Variants in ADGRL4 observed in about 807,000 individuals in gnomAD.
ADGRL4 encodes the protein adhesion G protein-coupled receptor L4, also known as EGF, latrophilin and seven transmembrane domain containing 1.
Under a neutral mutation model 74.8 loss-of-function variants are expected in ADGRL4, and 90 were observed. The ratio of observed to expected loss-of-function variants is 1.20; its 90% CI spans 1.02 to 1.43. ADGRL4 has a LOEUF of 1.43. Among genes scored for constraint, ADGRL4 ranks in the 40% most tolerant of loss-of-function variants. The probability of loss-of-function intolerance (pLI) is 0.00; values close to 1 mark genes in which losing one functional copy is unlikely to be tolerated. For synonymous variants in ADGRL4, 311 were observed against 279.2 expected (o/e 1.11, Z -1.14); for missense variants, 881 against 814.3 (o/e 1.08, Z -1.00).
At chr1:78,976,972 C>G (rs1383991933) in intron 2 of ADGRL4, among the ~76,000 whole-genome samples, 1 of 151,710 alleles carries the variant, frequency 6.6e-6, no homozygotes, top group East Asian at 1.9e-4. Flanking sequence ...GAAGCTAGTA[C>G]AAATCTACAG....
chr1:78,993,668 A>G (rs752260587), intron 2 of ADGRL4, among the ~76,000 whole-genome samples: 2 of 151,464 alleles, frequency 1.3e-5, no homozygotes, highest in Non-Finnish European at 2.9e-5. Context: ...TCCTGGGCTC[A>G]TGCCATTCTT....
In ADGRL4 at chr1:78,935,638, A is replaced by G. The variant is rs900751368; in HGVS notation, c.877+657T>C. Among the ~76,000 whole-genome samples the G allele has an allele frequency of 3.3e-5, 5 of 152,196 alleles. No homozygotes were observed. In the East Asian group the frequency reaches 9.6e-4, roughly 29 times the overall value. On this transcript the variant is annotated intron_variant, in intron 7 of 14. Coordinates refer to ENST00000370742, the MANE Select transcript of ADGRL4 (RefSeq NM_022159.4). ...TATGATGGATTATTGAGGAAGAAAT[A>G]TTAAAGGAACTGCAAATATAGTGAC... is the stretch of plus-strand genomic sequence containing the variant.
At chr1:78,914,684 G>C (rs1201361114) in intron 12 of ADGRL4, among the ~76,000 whole-genome samples, 1 of 151,586 alleles carries the variant, frequency 6.6e-6, no homozygotes. Context: ...ACATGCCATA[G>C]CTTTTAGTAA....
At chr1:78,943,197 A>G (rs898325380) in intron 3 of ADGRL4, among the ~76,000 whole-genome samples, 1 of 152,206 alleles carries the variant, frequency 6.6e-6, no homozygotes, top group Admixed American at 6.5e-5. Flanking sequence ...TACAATTATC[A>G]TCGAGTGCTC....
At chr1:78,948,484 G>A (rs945222153) in intron 2 of ADGRL4, among the ~76,000 whole-genome samples, 1 of 152,130 alleles carries the variant, frequency 6.6e-6, no homozygotes, top group Non-Finnish European at 1.5e-5. Flanking sequence ...CCAGGCACTT[G>A]TCAAATGCCC....
Position 78,889,776 on chromosome 1 carries a change from A to G in ADGRL4, c.*1378T>C. On this transcript the variant is annotated 3_prime_UTR_variant, in exon 15 of 15. Coordinates refer to ENST00000370742, the MANE Select transcript of ADGRL4 (RefSeq NM_022159.4). ...GTAGCGGAATTACTTCATTTAGATA[A>G]CATTTTATTTGTTAGAGCAAGATTT... is the stretch of plus-strand genomic sequence containing the variant. The G allele has an allele frequency of 2.2e-6, 1 of 451,922 alleles. No homozygotes were observed. Among genetic ancestry groups the G allele is most frequent in the South Asian group, 1.6e-5 (1 of 61,028 alleles). The allele number at this position is 451,922 out of a possible 1,614,324, so 28.0% of individuals were successfully genotyped here. A position where few individuals can be genotyped will look rare whatever the true frequency, so the allele number is the denominator to read the frequency against.
rs566384713 is a variant in ADGRL4, at chr1:78,892,966, T to C, written c.1841+132A>G. 69 of 605,030 alleles carry C rather than the reference T, an allele frequency of 1.1e-4. No homozygotes were observed. In the African/African-American group the frequency reaches 1.2e-3, roughly 10 times the overall value. The allele number at this position is 605,030 out of a possible 1,614,324, so 37.5% of individuals were successfully genotyped here. A position where few individuals can be genotyped will look rare whatever the true frequency, so the allele number is the denominator to read the frequency against. On this transcript the variant is annotated intron_variant, in intron 13 of 14. Coordinates refer to ENST00000370742, the MANE Select transcript of ADGRL4 (RefSeq NM_022159.4). Reference sequence around the variant, plus strand: ...ATACATACTAAATGCTATTTTCCGATGCGTCTTTTAAATATGGTAAAGTAT... The same window carrying C: ...ATACATACTAAATGCTATTTTCCGACGCGTCTTTTAAATATGGTAAAGTAT...
intron 2 of ADGRL4, among the ~76,000 whole-genome samples, chr1:78,983,826 C>T (rs34327968): frequency 0.17 from 25,046 of 151,576 alleles, 2,120 homozygotes; most frequent in Admixed American, 0.23. Flanking sequence ...AGTAGATTGC[C>T]TACGAAGAAA....
chr1:78,983,644 TG>T (rs934388718), intron 2 of ADGRL4, among the ~76,000 whole-genome samples: 36 of 151,658 alleles, frequency 2.4e-4, no homozygotes, highest in African/African-American at 8.5e-4. Flanking sequence ...GGACAGTAAA[TG>T]AGAAAGTTAT....
chr1:78,964,343 A>C (rs1049565017), intron 2 of ADGRL4, among the ~76,000 whole-genome samples: 1 of 152,190 alleles, frequency 6.6e-6, no homozygotes, highest in Non-Finnish European at 1.5e-5. Flanking sequence ...TATGACAAGC[A>C]CTGAAGTCTT....
intron 12 of ADGRL4, among the ~76,000 whole-genome samples, chr1:78,907,951 C>G (rs1343303143): frequency 6.6e-6 from 1 of 151,942 alleles, no homozygotes; most frequent in Non-Finnish European, 1.5e-5. Flanking sequence ...CAAAAAGAAT[C>G]TTAAATACTT....
At chr1:78,985,238 T>G (rs1453882909) in intron 2 of ADGRL4, among the ~76,000 whole-genome samples, 1 of 151,742 alleles carries the variant, frequency 6.6e-6, no homozygotes, top group African/African-American at 2.4e-5. Flanking sequence ...TCATCTATTC[T>G]CTAATTTATC....
At chr1:78,932,730 G>A (rs1649269982) in intron 7 of ADGRL4, among the ~76,000 whole-genome samples, 1 of 150,828 alleles carries the variant, frequency 6.6e-6, no homozygotes, top group South Asian at 2.1e-4. Flanking sequence ...CAATAAAAAT[G>A]ATAAGGGGGA....
chr1:78,974,202 G>A lies in ADGRL4; in HGVS notation c.173-27776C>T, dbSNP rs562494489. The stretch of plus-strand genomic sequence containing the variant: ...TTTCTATGCTTGGAGTGACTCTTCT[G>A]ATTTTAAATTATTTAATAATTGCCT... On this transcript the variant is annotated intron_variant, in intron 2 of 14. Transcript: ENST00000370742. Among the ~76,000 whole-genome samples, 163 of 152,186 alleles carry A rather than the reference G, an allele frequency of 1.1e-3. 1 individual carries two copies. Among genetic ancestry groups the A allele is most frequent in the Non-Finnish European group, 2.0e-3 (138 of 67,994 alleles).
chr1:78,954,431 T>C lies in ADGRL4; in HGVS notation c.173-8005A>G, dbSNP rs558275841. On this transcript the variant is annotated intron_variant, in intron 2 of 14. Transcript: ENST00000370742. ...ATAAGAGAAAAAACAAAACTCTGAG[T>C]AAAAACAAATGAGCTATCATTAAAT... Among the ~76,000 whole-genome samples the C allele has an allele frequency of 2.6e-5, 4 of 152,002 alleles. No homozygotes were observed. The South Asian group carries it at 8.3e-4, about 31-fold the overall frequency.
chr1:78,900,347 G>A (rs759453292), intron 12 of ADGRL4, among the ~76,000 whole-genome samples: 11 of 152,232 alleles, frequency 7.2e-5, no homozygotes, highest in African/African-American at 1.7e-4. Flanking sequence ...AACCAGATGC[G>A]TCATGCTATA....
intron 2 of ADGRL4, among the ~76,000 whole-genome samples, chr1:78,998,362 CTT>C (rs71078519): frequency 6.8e-3 from 441 of 64,960 alleles, no homozygotes; most frequent in African/African-American, 0.011. Flanking sequence ...TCCACTGATT[CTT>C]TTTTTTTTTT....
chr1:78,995,697 C>T (rs543928726), intron 2 of ADGRL4, among the ~76,000 whole-genome samples: 1 of 152,288 alleles, frequency 6.6e-6, no homozygotes, highest in South Asian at 2.1e-4. Flanking sequence ...AGTTCAAATA[C>T]ATGTATTACA....
chr1:78,984,871 C>G (rs1437664187), intron 2 of ADGRL4, among the ~76,000 whole-genome samples: 1 of 151,492 alleles, frequency 6.6e-6, no homozygotes, highest in Admixed American at 6.6e-5. Context: ...AACAGAATGT[C>G]AACGCTATAA....
Sources: gnomAD v4.1 joint callset for allele counts (sites outside exome capture counted in the v4.1 genomes callset) on GRCh38, gnomAD v4.1.1 for gene constraint, MANE v1.5 for transcripts, NCBI Gene and HGNC (gene_info 2026-07-23, HGNC 2026-07-21) for gene names.